Variants in KCNC2 observed in about 807,000 individuals in gnomAD.
KCNC2 encodes the protein voltage-gated potassium channel KCNC2.
In KCNC2, 21 loss-of-function variants were observed where a neutral mutation model predicts 44.5. That is an observed-to-expected ratio of 0.47 (90% CI 0.33 to 0.68). KCNC2 has a LOEUF of 0.68. Among genes scored for constraint, KCNC2 ranks in the 30% least tolerant of loss-of-function variants. The pLI is 0.01. For synonymous variants in KCNC2, 391 were observed against 339.1 expected (o/e 1.15, Z -1.68); for missense variants, 589 against 826.2 (o/e 0.71, Z 3.52).
At chr12:75,089,592 G>GTTTTT (rs1885306121) in intron 2 of KCNC2, among the ~76,000 whole-genome samples, 4 of 151,870 alleles carry the variant, frequency 2.6e-5, no homozygotes, top group South Asian at 4.2e-4. Flanking sequence ...GCAGTTAAAA[G>GTTTTT]AACATGCAAC....
chr12:75,140,714 A>C (rs1202855102), intron 2 of KCNC2, among the ~76,000 whole-genome samples: 1 of 152,052 alleles, frequency 6.6e-6, no homozygotes, highest in African/African-American at 2.4e-5. Context: ...AAAAGAAAAA[A>C]AAAGTGAAGA....
At chr12:75,143,265 A>G (rs550338865) in intron 2 of KCNC2, among the ~76,000 whole-genome samples, 2 of 152,276 alleles carry the variant, frequency 1.3e-5, no homozygotes, top group South Asian at 2.1e-4. Flanking sequence ...GAGATTTATG[A>G]TCAAAGTAAC....
At chr12:75,173,882 CT>C (rs1257770730) in intron 2 of KCNC2, among the ~76,000 whole-genome samples, 1 of 151,842 alleles carries the variant, frequency 6.6e-6, no homozygotes, top group Non-Finnish European at 1.5e-5. Flanking sequence ...TCTTAAAACA[CT>C]GTATAGATTT....
At chr12:75,132,277 T>C (rs1888910231) in intron 2 of KCNC2, among the ~76,000 whole-genome samples, 1 of 152,132 alleles carries the variant, frequency 6.6e-6, no homozygotes, top group South Asian at 2.1e-4. Context: ...ATCAAATGTA[T>C]TTGTGGAAAT....
At chr12:75,057,685 G>C (rs1422626513) in intron 2 of KCNC2, among the ~76,000 whole-genome samples, 1 of 151,484 alleles carries the variant, frequency 6.6e-6, no homozygotes, top group Non-Finnish European at 1.5e-5. Flanking sequence ...TCCACATAAA[G>C]TGTTTCTATG....
chr12:75,172,507 A>G (rs1891900469), intron 2 of KCNC2, among the ~76,000 whole-genome samples: 1 of 151,824 alleles, frequency 6.6e-6, no homozygotes, highest in African/African-American at 2.4e-5. Context: ...AAAAAAAAGT[A>G]CATCCACCTT....
At chr12:75,072,218 G>T (rs573191851) in intron 2 of KCNC2, among the ~76,000 whole-genome samples, 4 of 152,000 alleles carry the variant, frequency 2.6e-5, no homozygotes, top group Non-Finnish European at 5.9e-5. Context: ...GTTACTAAAC[G>T]GCTAACCATT....
chr12:75,136,611 A>C (rs1323916909), intron 2 of KCNC2, among the ~76,000 whole-genome samples: 1 of 152,120 alleles, frequency 6.6e-6, no homozygotes, highest in African/African-American at 2.4e-5. Context: ...GCCTCCCAAG[A>C]TGAACCAGGA....
At chr12:75,158,423 GA>G (rs143171657) in intron 2 of KCNC2, among the ~76,000 whole-genome samples, 6,483 of 151,786 alleles carry the variant, frequency 0.043, 162 homozygotes, top group East Asian at 0.097. Flanking sequence ...ACACTTGAGA[GA>G]AAAAAGAAAA....
At chr12:75,168,316 T>C (rs144275662) in intron 2 of KCNC2, among the ~76,000 whole-genome samples, 1 of 151,520 alleles carries the variant, frequency 6.6e-6, no homozygotes, top group East Asian at 1.9e-4. Flanking sequence ...CACTTGTCTA[T>C]ATGCTAGTTA....
chr12:75,198,615 C>T (rs2030975443), intron 2 of KCNC2, among the ~76,000 whole-genome samples: 1 of 151,772 alleles, frequency 6.6e-6, no homozygotes, highest in Non-Finnish European at 1.5e-5. Flanking sequence ...AAAATTAATA[C>T]ATCAACATCG....
At chr12:75,188,979 T>G (rs2029937447) in intron 2 of KCNC2, among the ~76,000 whole-genome samples, 1 of 152,154 alleles carries the variant, frequency 6.6e-6, no homozygotes, top group Non-Finnish European at 1.5e-5. Context: ...CAGAAGGGTT[T>G]GTATTAGTCA....
chr12:75,043,835 A>G (rs1880188830), intron 4 of KCNC2: 3 of 1,196,130 alleles, frequency 2.5e-6, no homozygotes, highest in Non-Finnish European at 2.3e-6. Flanking sequence ...AAAGTAAAGG[A>G]AAAAAAAAGA....
intron 2 of KCNC2, among the ~76,000 whole-genome samples, chr12:75,061,353 G>A (rs897679158): frequency 1.3e-5 from 2 of 152,032 alleles, no homozygotes; most frequent in Non-Finnish European, 1.5e-5. Context: ...CAAGAGTAGG[G>A]TACTGTGAGA....
At chr12:75,098,008 A>G (rs1176148204) in intron 2 of KCNC2, among the ~76,000 whole-genome samples, 2 of 152,102 alleles carry the variant, frequency 1.3e-5, no homozygotes, top group Non-Finnish European at 2.9e-5. Flanking sequence ...ACTCTGTAAT[A>G]AAGCTTATTA....
intron 2 of KCNC2, among the ~76,000 whole-genome samples, chr12:75,099,835 A>T (rs2219446): frequency 0.89 from 135,465 of 152,200 alleles, 60,351 homozygotes; most frequent in Admixed American, 0.91. Context: ...AGCTATGGAA[A>T]AGTGAAGCAA....
chr12:75,082,293 A>G (rs559163522), intron 2 of KCNC2, among the ~76,000 whole-genome samples: 119 of 152,046 alleles, frequency 7.8e-4, no homozygotes, highest in Non-Finnish European at 1.5e-3. Flanking sequence ...TAATAATAAC[A>G]ATAAAGGTAA....
At chr12:75,094,066 C>T (rs1211807280) in intron 2 of KCNC2, among the ~76,000 whole-genome samples, 1 of 151,452 alleles carries the variant, frequency 6.6e-6, no homozygotes, top group Non-Finnish European at 1.5e-5. Flanking sequence ...TTCTTGCTTC[C>T]CCTTTGGGTT....
intron 2 of KCNC2, among the ~76,000 whole-genome samples, chr12:75,085,473 A>C (rs1485769226): frequency 6.6e-6 from 1 of 151,978 alleles, no homozygotes; most frequent in Non-Finnish European, 1.5e-5. Flanking sequence ...TATTTCATTT[A>C]ATGTTTACAA....
Sources: allele counts gnomAD v4.1 joint callset (sites outside exome capture counted in the v4.1 genomes callset), GRCh38; gene constraint gnomAD v4.1.1; transcripts MANE v1.5; gene names NCBI Gene and HGNC (gene_info 2026-07-23, HGNC 2026-07-21).